The following MDC1 variants were observed in gnomAD, a reference collection of about 807,000 sequenced individuals.
MDC1 encodes the protein mediator of DNA damage checkpoint 1.
In MDC1, 81 loss-of-function variants were observed where a neutral mutation model predicts 142.5. That is an observed-to-expected ratio of 0.57 (90% confidence interval 0.47 to 0.68). The LOEUF is 0.68. Among genes scored for constraint, MDC1 ranks in the 30% least tolerant of loss-of-function variants. The pLI is 0.00. For missense variants in MDC1, 2,119 were observed against 2,547.9 expected, an observed-to-expected ratio of 0.83 and a Z score of 3.62; for synonymous variants, 797 against 968.4, an observed-to-expected ratio of 0.82 and a Z score of 3.29.
In MDC1 at chr6:30,705,729, T is replaced by A. The variant is rs1773678766; in HGVS notation, c.3454A>T (p.Arg1152Trp). The A allele has an allele frequency of 6.2e-7, 1 of 1,613,030 alleles. No individual in the cohort carries two copies. The highest frequency in any genetic ancestry group is 1.3e-5 in the African/African-American group (1 of 74,814). Residue 1152 changes from arginine (R) to tryptophan (W), a missense_variant, in exon 10 of 15, where the codon AGG becomes TGG. Arg to Trp is a moderately radical substitution (Grantham distance 101, BLOSUM62 -3). Transcript: ENST00000376406. ...GGTTCAGGGGTCTTGACAGAGGACC[T>A]ATTTGTCCTGCTCCTAGTGGCCTGA... ...TSQATRSRTN[R>W]SSVKTPEPVV...
At chr6:30,700,890 C>G in intron 14 of MDC1, among the ~76,000 whole-genome samples, 1 of 112,580 alleles carries the variant, frequency 8.9e-6, no homozygotes, top group African/African-American at 3.4e-5. Flanking sequence ...AACCCTGTCT[C>G]TACTAAAAAT....
Position 30,707,972 on chromosome 6 carries a change from G to C in MDC1, c.2607C>G (p.Thr869=), listed in dbSNP as rs775641423. ...REQKQLLARD[T]QRQESDKNGE... ...CATTTTTGTCAGATTCTTGTCTCTG[G>C]GTGTCTCTAGCTAACAACTGTTTTT... is the stretch of plus-strand genomic sequence containing the variant. Residue 869 remains threonine, a synonymous_variant, in exon 8 of 15, where the codon ACC becomes ACG. Coordinates refer to ENST00000376406, the MANE Select transcript of MDC1 (RefSeq NM_014641.3). 1.2e-6 allele frequency: 2 copies of C among 1,612,862 alleles called. No individual in the cohort carries two copies. The highest frequency in any genetic ancestry group is 8.5e-7 in the Non-Finnish European group (1 of 1,180,002).
Position 30,703,880 on chromosome 6 carries a change from G to T in MDC1, c.5303C>A (p.Thr1768Lys), listed in dbSNP as rs574552499. ...GGGAGAGGCAGGCTCAGGAATGGCT[G>T]TAAGGGATTCAGCTGCTCTCACTGC... ...WGAVRAAESLTAIPEPASPQL... is the reference protein window; with the variant it reads ...WGAVRAAESLKAIPEPASPQL... Residue 1768 changes from threonine to lysine, a missense_variant, in exon 10 of 15, where the codon ACA (threonine) becomes AAA (lysine). Physicochemically the swap from Thr to Lys is moderately conservative, Grantham distance 78 (BLOSUM62 -1). Transcript: ENST00000376406. The surrounding 1 kb of genome is among the most constrained non-coding windows in gnomAD (Gnocchi z 4.4). 15 of 1,614,184 alleles carry T rather than the reference G, an allele frequency of 9.3e-6. No homozygotes were observed. The South Asian group carries it at 1.5e-4, about 17-fold the overall frequency.
In MDC1 at chr6:30,703,838, G is replaced by T; in HGVS notation, c.5345C>A (p.Pro1782Gln). 6.2e-7 allele frequency: 1 copy of T among 1,612,522 alleles called. No homozygotes were observed. The change falls in exon 10 of 15, where the codon CCA becomes CAA. Residue 1782 changes from proline (P) to glutamine (Q), a missense_variant. Transcript: ENST00000376406. The surrounding 1 kb of genome is among the most constrained non-coding windows in gnomAD (Gnocchi z 4.4). ...EPASPQLLET[P>Q]IHASQIQKVE... is the part of the protein sequence containing the mutation. Reference sequence around the variant, plus strand: ...CTTTTGGATCTGGGAGGCATGAATTGGTGTCTCAAGAAGCTGGGGAGAGGC... The same window carrying T: ...CTTTTGGATCTGGGAGGCATGAATTTGTGTCTCAAGAAGCTGGGGAGAGGC...
At chr6:30,707,287 T>C in intron 9 of MDC1, 97 bp downstream of exon 9, 3 of 1,284,700 alleles carry the variant, frequency 2.3e-6, no homozygotes, top group Non-Finnish European at 2.2e-6. Flanking sequence ...AACTGAATAA[T>C]GAGAAAGGAA....
intron 7 of MDC1, among the ~76,000 whole-genome samples, chr6:30,710,786 T>C (rs1774745579): frequency 6.6e-6 from 1 of 152,170 alleles, no homozygotes; most frequent in South Asian, 2.1e-4. Context: ...TGCAATAGTG[T>C]GTGTGTGTTT....
intron 7 of MDC1, among the ~76,000 whole-genome samples, chr6:30,708,769 AGAACTACTT>A (rs1442762320): frequency 6.7e-6 from 1 of 149,982 alleles, no homozygotes; most frequent in Admixed American, 6.7e-5. Flanking sequence ...CTGAGGTAGG[AGAACTACTT>A]GAACCCCAAA....
rs199705845 is a variant in MDC1 at position 30,704,517 on chromosome 6, T to G, written c.4666A>C (p.Thr1556Pro). The change falls in exon 10 of 15, where the codon ACT becomes CCT. Residue 1556 changes from threonine (T) to proline (P), a missense_variant. Transcript: ENST00000376406. The part of the protein sequence containing the change: ...PVTPEPTSRA[T>P]RGRTNRSSVK... ...GAGGACCTATTTGTCCTGCCCCTAG[T>G]GGCCCGAGATGTGGGCTCAGGGGTG... 3.7e-6 allele frequency: 6 copies of G among 1,612,120 alleles called. No individual in the cohort carries two copies. The East Asian group carries it at 1.3e-4, about 36-fold the overall frequency.
chr6:30,710,551 C>T (rs1239531027), intron 7 of MDC1, among the ~76,000 whole-genome samples: 1 of 147,774 alleles, frequency 6.8e-6, no homozygotes, highest in African/African-American at 2.4e-5. Context: ...GCATGCACCA[C>T]CACACCCGGC....
At position 30,704,061 on chromosome 6, in the gene MDC1, G is replaced by A; in HGVS notation, c.5122C>T (p.Gln1708Ter). 2 of 1,614,162 alleles carry A rather than the reference G, an allele frequency of 1.2e-6. No homozygotes were observed. The highest frequency in any genetic ancestry group is 1.7e-6 in the Non-Finnish European group (2 of 1,180,032). ...PEFQSPVTTDQPISPEPITQP... is the reference protein window; with the variant it reads ...PEFQSPVTTD ...GTAATAGGCTCAGGGGAAATAGGCT[G>A]GTCTGTGGTGACAGGAGATTGGAAT... The change falls in exon 10 of 15, where the codon CAG (glutamine) becomes TAG (stop). Residue 1708 changes from glutamine to a stop codon, truncating the protein, a stop_gained. Coordinates refer to ENST00000376406, the MANE Select transcript of MDC1 (RefSeq NM_014641.3). LOFTEE classifies it high-confidence loss of function.
intron 2 of MDC1, 85 bp downstream of exon 2, chr6:30,714,955 A>G: frequency 6.7e-7 from 1 of 1,503,108 alleles, no homozygotes; most frequent in Non-Finnish European, 9.1e-7. Flanking sequence ...ATTGAAACAT[A>G]CATAAGCTTC....
chr6:30,712,574 G>T lies in MDC1; in HGVS notation c.1368C>A (p.Asp456Glu). The T allele has an allele frequency of 6.2e-7, 1 of 1,613,040 alleles. No individual in the cohort carries two copies. Among genetic ancestry groups the T allele is most frequent in the Non-Finnish European group, 8.5e-7 (1 of 1,180,028 alleles). Residue 456 changes from aspartate (D) to glutamate (E), a missense_variant, in exon 5 of 15, where the codon GAC becomes GAA. By Grantham distance (45) the Asp-to-Glu change is conservative (BLOSUM62 2). Transcript: ENST00000376406. The surrounding 1 kb of genome is among the most constrained non-coding windows in gnomAD (Gnocchi z 4.7). ...CCACTGGGAGCTCTTCCTCCTCCACGTCTGTGTCACTGTCTCTCTCAGTGG... is the reference window on the plus strand; with the variant it reads ...CCACTGGGAGCTCTTCCTCCTCCACTTCTGTGTCACTGTCTCTCTCAGTGG... ...QTTTERDSDTDVEEEELPVEN... is the reference protein window; with the variant it reads ...QTTTERDSDTEVEEEELPVEN...
chr6:30,712,471 G>A lies in MDC1; in HGVS notation c.1471C>T (p.Pro491Ser). The A allele has an allele frequency of 6.2e-7, 1 of 1,613,054 alleles. No individual in the cohort carries two copies. The highest frequency in any genetic ancestry group is 8.5e-7 in the Non-Finnish European group (1 of 1,180,030). The change falls in exon 5 of 15, where the codon CCT becomes TCT. Residue 491 changes from proline to serine, a missense_variant. By Grantham distance (74) the Pro-to-Ser change is moderately conservative (BLOSUM62 -1). Transcript: ENST00000376406. This position sits in a 1 kb window ranked among gnomAD's most constrained non-coding sequence, Gnocchi z 4.7. ...ACACTGTCATCACTGTCCCCAAAAG[G>A]AGGTTGGTCCTTTTCTGAATGTGCT... is the stretch of plus-strand genomic sequence containing the variant. The part of the protein sequence containing the change: ...VRAHSEKDQP[P>S]FGDSDDSVEA...
chr6:30,715,072 T>C lies in MDC1; in HGVS notation c.104A>G (p.His35Arg), dbSNP rs372848423. Reference sequence around the variant, plus strand: ...TGGTCCATGGGCACCACTAAAGATATGTAGCCGCCCTACTGGCTCCACGTT... The same window carrying C: ...TGGTCCATGGGCACCACTAAAGATACGTAGCCGCCCTACTGGCTCCACGTT... Reference protein sequence around the residue: ...RCNVEPVGRLHIFSGAHGPEK... With the variant: ...RCNVEPVGRLRIFSGAHGPEK... Residue 35 changes from histidine to arginine, a missense_variant, in exon 2 of 15, where the codon CAT becomes CGT. Transcript: ENST00000376406. The surrounding 1 kb of genome is among the most constrained non-coding windows in gnomAD (Gnocchi z 4.1). 2.5e-6 allele frequency: 4 copies of C among 1,614,212 alleles called. No individual in the cohort carries two copies. The highest frequency in any genetic ancestry group is 4.5e-5 in the East Asian group (2 of 44,882).
At position 30,713,951 on chromosome 6, in the gene MDC1, A is replaced by G; in HGVS notation, c.369T>C (p.Phe123=). 1 of 1,613,142 alleles carries G rather than the reference A, an allele frequency of 6.2e-7. No individual in the cohort carries two copies. The highest frequency in any genetic ancestry group is 8.5e-7 in the Non-Finnish European group (1 of 1,180,022). The change falls in exon 3 of 15, where the codon TTT becomes TTC. Residue 123 remains phenylalanine (F), a synonymous_variant. Transcript: ENST00000376406. The surrounding 1 kb of genome is among the most constrained non-coding windows in gnomAD (Gnocchi z 4.9). ...HRLRDQELIL[F]ADLLCQYHRL... ...GATGGTACTGGCAGAGCAAGTCAGC[A>G]AAGAGAATCAATTCCTGGTCCCTCA...
At chr6:30,706,257 C>T (rs1490210441) in intron 9 of MDC1, among the ~76,000 whole-genome samples, 159 bp from the exon 10 acceptor site, 1 of 151,786 alleles carries the variant, frequency 6.6e-6, no homozygotes, top group African/African-American at 2.4e-5. Context: ...GAGGCCGAGG[C>T]GGGCGGATCA....
rs375555569 is a variant in MDC1 at position 30,704,051 on chromosome 6, G to T, written c.5132C>A (p.Ser1711Tyr). The T allele has an allele frequency of 1.9e-6, 3 of 1,614,192 alleles. No homozygotes were observed. The highest frequency in any genetic ancestry group is 2.5e-6 in the Non-Finnish European group (3 of 1,180,030). The change falls in exon 10 of 15, where the codon TCC becomes TAC. Residue 1711 changes from serine to tyrosine, a missense_variant. By Grantham distance (144) the Ser-to-Tyr change is moderately radical. Transcript: ENST00000376406. ...ACTGGGTTGAGTAATAGGCTCAGGG[G>T]AAATAGGCTGGTCTGTGGTGACAGG... is the stretch of plus-strand genomic sequence containing the variant. Reference protein sequence around the residue: ...QSPVTTDQPISPEPITQPSCI... With the variant: ...QSPVTTDQPIYPEPITQPSCI...
rs1463810194 is a variant in MDC1, at chr6:30,703,130, T to C, written c.5839A>G (p.Ile1947Val). The C allele has an allele frequency of 6.2e-7, 1 of 1,613,062 alleles. No individual in the cohort carries two copies. The highest frequency in any genetic ancestry group is 8.5e-7 in the Non-Finnish European group (1 of 1,180,004). ...FLCALGRGIP[I>V]LSLDWLHQSR... ...TGATGCAGCCAGTCCAGGGACAGAATGGGGATTCCCCGCCCCAGGGCACAC... is the reference window on the plus strand; with the variant it reads ...TGATGCAGCCAGTCCAGGGACAGAACGGGGATTCCCCGCCCCAGGGCACAC... Residue 1947 changes from isoleucine (I) to valine (V), a missense_variant, in exon 12 of 15, where the codon ATT (isoleucine) becomes GTT (valine). Coordinates refer to ENST00000376406, the MANE Select transcript of MDC1 (RefSeq NM_014641.3). This position sits in a 1 kb window ranked among gnomAD's most constrained non-coding sequence, Gnocchi z 4.4.
rs775805180 is a variant in MDC1 at position 30,702,659 on chromosome 6, T to C, written c.5996A>G (p.Tyr1999Cys). 4 of 1,611,076 alleles carry C rather than the reference T, an allele frequency of 2.5e-6. No individual in the cohort carries two copies. The highest frequency in any genetic ancestry group is 3.4e-6 in the Non-Finnish European group (4 of 1,179,100). The change falls in exon 14 of 15, where the codon TAT (tyrosine) becomes TGT (cysteine). Residue 1999 changes from tyrosine (Y) to cysteine (C), a missense_variant. Tyr to Cys is a radical substitution (Grantham distance 194). Coordinates refer to ENST00000376406, the MANE Select transcript of MDC1 (RefSeq NM_014641.3). ...RARERRLLEG[Y>C]EIYVTPGVQP... ...GACTCCAGGGGTCACATAGATCTCA[T>C]AGCCCTAAGAGAAAGAAATGATGGA... is the stretch of plus-strand genomic sequence containing the variant.
Sources: gnomAD v4.1 joint callset for allele counts (sites outside exome capture counted in the v4.1 genomes callset) on GRCh38, gnomAD v4.1.1 for gene constraint, Gnocchi (gnomAD v3.1) non-coding constraint, MANE v1.5 for transcripts, NCBI Gene and HGNC (gene_info 2026-07-23, HGNC 2026-07-21) for gene names.